Variants in ACYP2 observed in about 807,000 individuals in gnomAD.
The protein encoded by ACYP2 is acylphosphatase 2.
A neutral mutation model predicts 11.2 loss-of-function variants in ACYP2; 12 were observed. The observed-to-expected ratio is 1.08, with a 90% CI of 0.69 to 1.74. The LOEUF (loss-of-function observed/expected upper bound fraction) is 1.74. ACYP2 is among the 40% of genes most tolerant of loss of function. The pLI, the probability that ACYP2 is intolerant of heterozygous loss-of-function variation, is 0.00. For missense variants in ACYP2, 134 were observed against 101.9 expected (o/e 1.31, Z -1.35); for synonymous variants, 43 against 32.2 (o/e 1.33, Z -1.13).
intron 2 of ACYP2, chr2:53,973,884 TGTG>T (rs1558445345): frequency 3.8e-5 from 5 of 130,722 alleles, no homozygotes; most frequent in Non-Finnish European, 7.2e-5. Flanking sequence ...TGTGTGTGTG[TGTG>T]TGTGTGTGTG....
chr2:54,092,114 T>C lies in ACYP2; in HGVS notation c.277+34754T>C, dbSNP rs115636625. Among the ~76,000 whole-genome samples the C allele has an allele frequency of 7.8e-3, 1,192 of 152,038 alleles. 9 individuals are homozygous for C. Among genetic ancestry groups the C allele is most frequent in the Non-Finnish European group, 0.013 (891 of 67,964 alleles). On this transcript the variant is annotated intron_variant, in intron 4 of 6. Transcript: ENST00000607452. Reference sequence around the variant, plus strand: ...AGATGAACCAGGTTTCCAGCAGAGGTACTGGATGGTTGAAGAAGAAAGAGC... The same window carrying C: ...AGATGAACCAGGTTTCCAGCAGAGGCACTGGATGGTTGAAGAAGAAAGAGC...
intron 6 of ACYP2, among the ~76,000 whole-genome samples, chr2:54,238,428 T>C (rs1178167808): frequency 6.6e-6 from 1 of 151,986 alleles, no homozygotes; most frequent in East Asian, 1.9e-4. Context: ...ATAGAAGATA[T>C]AGGAAGAGTT....
chr2:54,267,437 A>C, intron 6 of ACYP2: 1 of 1,371,502 alleles, frequency 7.3e-7, no homozygotes, highest in Non-Finnish European at 9.8e-7. Context: ...AGAAGGAGGG[A>C]GAAGGAATTG....
At chr2:54,122,983 G>T (rs375775446) in intron 4 of ACYP2, among the ~76,000 whole-genome samples, 3 of 152,158 alleles carry the variant, frequency 2.0e-5, no homozygotes, top group African/African-American at 7.2e-5. Context: ...TTAAACAGTG[G>T]CCACCCCAAA....
intron 2 of ACYP2, among the ~76,000 whole-genome samples, chr2:54,034,786 G>A (rs1674787259): frequency 6.6e-6 from 1 of 152,018 alleles, no homozygotes; most frequent in African/African-American, 2.4e-5. Context: ...CGAGGCGGGT[G>A]GATCACGAGG....
chr2:54,141,381 G>C (rs1229070311), intron 6 of ACYP2, among the ~76,000 whole-genome samples: 3 of 152,028 alleles, frequency 2.0e-5, no homozygotes, highest in Non-Finnish European at 4.4e-5. Flanking sequence ...CTTCTAACTT[G>C]ATGCTCTATT....
intron 4 of ACYP2, chr2:54,084,870 T>C (rs912915115): frequency 2.6e-5 from 4 of 152,162 alleles, no homozygotes; most frequent in Admixed American, 1.3e-4. Flanking sequence ...GAATCCCTCA[T>C]TGGGAAAATT....
chr2:54,010,484 C>T (rs1025012321), intron 2 of ACYP2, among the ~76,000 whole-genome samples: 2 of 143,660 alleles, frequency 1.4e-5, no homozygotes, highest in African/African-American at 5.0e-5. Context: ...AACTCTGTCT[C>T]AAAAAAAAAA....
At chr2:53,992,837 A>AG (rs1249065544) in intron 2 of ACYP2, among the ~76,000 whole-genome samples, 2 of 151,864 alleles carry the variant, frequency 1.3e-5, no homozygotes, top group African/African-American at 4.8e-5. Context: ...TCTCAAAAAA[A>AG]AAAAAAAAAA....
intron 6 of ACYP2, among the ~76,000 whole-genome samples, chr2:54,177,901 C>CTTTTTTT (rs1241070377): frequency 8.1e-6 from 1 of 124,044 alleles, no homozygotes; most frequent in African/African-American, 3.8e-5. Context: ...TTCTTTCTTT[C>CTTTTTTT]TTTATTTTTT....
chr2:54,086,949 C>T (rs1218824695), intron 4 of ACYP2, among the ~76,000 whole-genome samples: 2 of 152,204 alleles, frequency 1.3e-5, no homozygotes, highest in Non-Finnish European at 2.9e-5. Flanking sequence ...TACCAGGATA[C>T]TTATAAAACA....
At chr2:54,219,435 G>A (rs1685689447) in intron 6 of ACYP2, among the ~76,000 whole-genome samples, 1 of 152,114 alleles carries the variant, frequency 6.6e-6, no homozygotes, top group South Asian at 2.1e-4. Context: ...ACCGTGAAGA[G>A]TTTGGGTTTG....
At chr2:54,078,487 C>T (rs1286086704) in intron 4 of ACYP2, among the ~76,000 whole-genome samples, 1 of 150,966 alleles carries the variant, frequency 6.6e-6, no homozygotes, top group Non-Finnish European at 1.5e-5. Flanking sequence ...TCATTGGAAG[C>T]TATCCTTGTA....
At chr2:54,009,201 G>C (rs573632066) in intron 2 of ACYP2, among the ~76,000 whole-genome samples, 1 of 152,072 alleles carries the variant, frequency 6.6e-6, no homozygotes, top group African/African-American at 2.4e-5. Flanking sequence ...CTCGAGGAAA[G>C]TAGGGGTGGT....
intron 6 of ACYP2, among the ~76,000 whole-genome samples, chr2:54,219,803 G>GTTTGTGTA (rs1421507136): frequency 2.9e-5 from 4 of 138,628 alleles, no homozygotes; most frequent in African/African-American, 5.2e-5. Flanking sequence ...GTGTGTGTGT[G>GTTTGTGTA]TGTGTGTTTG....
intron 6 of ACYP2, among the ~76,000 whole-genome samples, chr2:54,192,493 A>T (rs1220454947): frequency 6.6e-6 from 1 of 152,172 alleles, no homozygotes. Context: ...TTAAAATACA[A>T]ATGAAGATAA....
At chr2:54,253,243 A>G (rs906369123) in intron 6 of ACYP2, 1 of 152,264 alleles carries the variant, frequency 6.6e-6, no homozygotes, top group African/African-American at 2.4e-5. Flanking sequence ...GCATCAGATA[A>G]GACCAAGTTA....
chr2:54,083,363 G>C (rs1677771042), intron 4 of ACYP2, among the ~76,000 whole-genome samples: 1 of 152,186 alleles, frequency 6.6e-6, no homozygotes, highest in Non-Finnish European at 1.5e-5. Flanking sequence ...TCCCATTCTA[G>C]TTGAAGCTCT....
At position 54,197,949 on chromosome 2, in the gene ACYP2, AT is replaced by A. The variant is rs55829672; in HGVS notation, c.404+59203del. ...TTTATTTATGTATGTATTATATTGT[AT>A]TGTATTGTATTGTATTGTATTGTAT... On this transcript the variant is annotated intron_variant, in intron 6 of 6. Transcript: ENST00000607452. 5.3e-4 allele frequency among the ~76,000 whole-genome samples: 9 copies of A among 17,022 alleles called. No individual in the cohort carries two copies. In the East Asian group the frequency reaches 6.2e-3, roughly 12 times the overall value. 11.2% of individuals were successfully genotyped at this position (17,022 alleles called of 152,430 possible). A position where few individuals can be genotyped will look rare whatever the true frequency, so the allele number is the denominator to read the frequency against.
Sources: gnomAD v4.1 joint callset for allele counts (sites outside exome capture counted in the v4.1 genomes callset) on GRCh38, gnomAD v4.1.1 for gene constraint, MANE v1.5 for transcripts, NCBI Gene and HGNC (gene_info 2026-07-23, HGNC 2026-07-21) for gene names.